APBB2: variants seen among roughly 807,000 people sequenced by gnomAD.
APBB2 encodes the protein amyloid beta precursor protein binding family B member 2.
In APBB2, 38 loss-of-function variants were observed where a neutral mutation model predicts 82.5. The ratio of observed to expected loss-of-function variants is 0.46; its 90% CI spans 0.36 to 0.60. APBB2 has a LOEUF of 0.60. Among genes scored for constraint, APBB2 ranks in the 20% least tolerant of loss-of-function variants. APBB2 has a pLI of 0.00. For synonymous variants in APBB2, 341 were observed against 368.2 expected (o/e 0.93, Z 0.85); for missense variants, 772 against 972.3 (o/e 0.79, Z 2.74).
intron 1 of APBB2, among the ~76,000 whole-genome samples, chr4:41,170,700 G>A (rs1042075290): frequency 2.0e-5 from 3 of 151,920 alleles, no homozygotes; most frequent in Admixed American, 6.6e-5. Flanking sequence ...GACCTTAACT[G>A]GCAAAATTTG....
At chr4:40,977,446 G>A (rs1425269720) in intron 6 of APBB2, among the ~76,000 whole-genome samples, 2 of 151,814 alleles carry the variant, frequency 1.3e-5, no homozygotes, top group African/African-American at 4.8e-5. Context: ...CCAAGTAGCT[G>A]GGATTACCGG....
intron 1 of APBB2, among the ~76,000 whole-genome samples, chr4:41,179,029 G>C (rs968236693): frequency 6.6e-6 from 1 of 152,118 alleles, no homozygotes; most frequent in Non-Finnish European, 1.5e-5. Flanking sequence ...CTTCTTCCTT[G>C]AGGGTCCACC....
Position 40,913,206 on chromosome 4 carries a change from C to CG in APBB2, c.1255-19796_1255-19795insC, listed in dbSNP as rs1778995071. Among the ~76,000 whole-genome samples the CG allele has an allele frequency of 3.9e-5, 6 of 152,300 alleles. No homozygotes were observed. In the East Asian group the frequency reaches 7.7e-4, roughly 20 times the overall value. The stretch of plus-strand genomic sequence containing the variant: ...CAGCAGTCAGGCTGTACCCGCCAGT[C>CG]TGGGGGGTCAGAGCTGGGACGCTGT... On this transcript the variant is annotated intron_variant, in intron 10 of 17. Coordinates refer to ENST00000508593, the MANE Select transcript of APBB2 (RefSeq NM_004307.2).
rs1799030527 is a variant in APBB2 at position 40,982,337 on chromosome 4, AGGAAG to A, written c.835+31241_835+31245del. 6.1e-4 allele frequency among the ~76,000 whole-genome samples: 9 copies of A among 14,730 alleles called. 1 individual carries two copies. Among genetic ancestry groups the A allele is most frequent in the East Asian group, 1.5e-3 (1 of 660 alleles). 9.7% of individuals were successfully genotyped at this position (14,730 alleles called of 152,430 possible). A position where few individuals can be genotyped will look rare whatever the true frequency, so the allele number is the denominator to read the frequency against. On this transcript the variant is annotated intron_variant, in intron 6 of 17. Transcript: ENST00000508593. ...AAGAAAGAAAGAAAAGAAAGAAGGAAGGAAGGAAGGAAGGAAGGAAGGAAGGAAGG... is the reference window on the plus strand; with the variant it reads ...AAGAAAGAAAGAAAAGAAAGAAGGAAGAAGGAAGGAAGGAAGGAAGGAAGG...
intron 12 of APBB2, among the ~76,000 whole-genome samples, chr4:40,831,791 G>A (rs907941549): frequency 3.3e-5 from 5 of 152,092 alleles, no homozygotes; most frequent in African/African-American, 1.2e-4. Context: ...CGACGGCAGC[G>A]GCGGCACATC....
At chr4:40,825,651 G>A (rs1176873359) in intron 15 of APBB2, 11 of 485,700 alleles carry the variant, frequency 2.3e-5, no homozygotes, top group South Asian at 1.0e-4. Context: ...AGAAATCCAC[G>A]TCTGTATTGC....
chr4:40,830,169 T>G (rs951241128), intron 13 of APBB2, among the ~76,000 whole-genome samples: 1 of 151,380 alleles, frequency 6.6e-6, no homozygotes, highest in African/African-American at 2.4e-5. Context: ...ATGCCTGCCC[T>G]GCAGCAAAAA....
At chr4:40,857,598 G>A (rs1046602543) in intron 12 of APBB2, among the ~76,000 whole-genome samples, 13 of 152,072 alleles carry the variant, frequency 8.5e-5, no homozygotes, top group Admixed American at 7.9e-4. Context: ...AGCCTCCCTA[G>A]CAGCTGGGAT....
At chr4:40,886,915 G>A (rs1174949139) in intron 12 of APBB2, among the ~76,000 whole-genome samples, 1 of 152,180 alleles carries the variant, frequency 6.6e-6, no homozygotes, top group Non-Finnish European at 1.5e-5. Context: ...TGATCAAAGG[G>A]AACAAAACTC....
intron 3 of APBB2, among the ~76,000 whole-genome samples, chr4:41,080,698 CTTTTTTTTTTTT>C (rs5857775): frequency 8.3e-6 from 1 of 120,936 alleles, no homozygotes; most frequent in Non-Finnish European, 1.7e-5. Context: ...GTAAATGCTC[CTTTTTTTTTTTT>C]TTTTTTTTAA....
intron 1 of APBB2, among the ~76,000 whole-genome samples, chr4:41,201,647 A>T (rs550711129): frequency 2.6e-5 from 4 of 152,268 alleles, no homozygotes; most frequent in Admixed American, 1.3e-4. Context: ...ATCCCAGAGT[A>T]AGGCCTGAAT....
chr4:41,153,406 C>T (rs1166430650), intron 1 of APBB2, among the ~76,000 whole-genome samples: 3 of 152,190 alleles, frequency 2.0e-5, no homozygotes, highest in Non-Finnish European at 4.4e-5. Flanking sequence ...TACTTTTCCT[C>T]CTTTGTTACA....
chr4:40,978,846 C>G (rs1464355772), intron 6 of APBB2, among the ~76,000 whole-genome samples: 1 of 151,812 alleles, frequency 6.6e-6, no homozygotes, highest in African/African-American at 2.4e-5. Flanking sequence ...TGTTCTAATT[C>G]AATACAATTA....
intron 12 of APBB2, among the ~76,000 whole-genome samples, chr4:40,873,662 CAAGT>C (rs749995066): frequency 6.6e-6 from 1 of 152,186 alleles, no homozygotes; most frequent in Non-Finnish European, 1.5e-5. Context: ...GTTTGGCAAG[CAAGT>C]ATCTTTAGGG....
chr4:41,194,288 C>G, intron 1 of APBB2: 3 of 152,506 alleles, frequency 2.0e-5, no homozygotes, highest in Non-Finnish European at 4.4e-5. Context: ...TGCCACTGCA[C>G]TCCAGCCTGG....
At position 40,823,613 on chromosome 4, in the gene APBB2, CA is replaced by C. The variant is rs747602533; in HGVS notation, c.1932+30del. The C allele has an allele frequency of 1.0e-5, 15 of 1,445,084 alleles. No individual in the cohort carries two copies. In the East Asian group the frequency reaches 2.7e-4, roughly 26 times the overall value. The allele number at this position is 1,445,084 out of a possible 1,614,324, so 89.5% of individuals were successfully genotyped here. Reference sequence around the variant, plus strand: ...TGTATCTTATACTCACTGTATAAGACACACCAATGTCATCGAAGATTCCTTC... The same window carrying C: ...TGTATCTTATACTCACTGTATAAGACCACCAATGTCATCGAAGATTCCTTC... On this transcript the variant is annotated intron_variant, in intron 16 of 17. Transcript: ENST00000508593.
At chr4:41,210,241 G>A (rs774341519) in intron 1 of APBB2, among the ~76,000 whole-genome samples, 13 of 152,264 alleles carry the variant, frequency 8.5e-5, no homozygotes, top group South Asian at 2.1e-4. Flanking sequence ...CTCTCTCCTC[G>A]AATGGCTGCA....
At chr4:41,122,219 C>T (rs1161092819) in intron 2 of APBB2, among the ~76,000 whole-genome samples, 1 of 152,160 alleles carries the variant, frequency 6.6e-6, no homozygotes, top group Non-Finnish European at 1.5e-5. Context: ...AGCCACCACA[C>T]CTGCTTGTTT....
intron 1 of APBB2, among the ~76,000 whole-genome samples, chr4:41,160,535 C>G (rs1764896654): frequency 6.6e-6 from 1 of 152,188 alleles, no homozygotes; most frequent in Non-Finnish European, 1.5e-5. Context: ...GGCTCCACCA[C>G]TAATGCCCTG....
Sources: gnomAD v4.1 joint callset for allele counts (sites outside exome capture counted in the v4.1 genomes callset) on GRCh38, gnomAD v4.1.1 for gene constraint, MANE v1.5 for transcripts, NCBI Gene and HGNC (gene_info 2026-07-23, HGNC 2026-07-21) for gene names.